DNAI4: variants seen among roughly 807,000 people sequenced by gnomAD.
The protein encoded by DNAI4 is WD repeat domain 78.
In DNAI4, 85 loss-of-function variants were observed where a neutral mutation model predicts 105.8. That is an observed-to-expected ratio of 0.80 (90% confidence interval 0.67 to 0.96). DNAI4 has a LOEUF of 0.96. DNAI4 is among the 40% of genes least tolerant of loss of function. The pLI is 0.00. For synonymous variants in DNAI4, 352 were observed against 331.5 expected, an observed-to-expected ratio of 1.06 and a Z score of -0.67; for missense variants, 1,014 against 1,005.6, an observed-to-expected ratio of 1.01 and a Z score of -0.11.
chr1:66,914,987 A>C (rs1356181850), intron 1 of DNAI4, among the ~76,000 whole-genome samples: 1 of 152,224 alleles, frequency 6.6e-6, no homozygotes, highest in Non-Finnish European at 1.5e-5. Context: ...AAATGTCCTA[A>C]GAATTGCCAG....
Position 66,902,544 on chromosome 1 carries a change from A to G in DNAI4, c.345+2657T>C, listed in dbSNP as rs191771622. Among the ~76,000 whole-genome samples the G allele has an allele frequency of 3.8e-3, 572 of 152,266 alleles. 3 individuals are homozygous for G. The highest frequency in any genetic ancestry group is 0.013 in the African/African-American group (526 of 41,548). ...TCTGTTAATGTCTTTTGATAGACAGAAATTTCTAATTTTAATGTAGTCCAA... is the reference window on the plus strand; with the variant it reads ...TCTGTTAATGTCTTTTGATAGACAGGAATTTCTAATTTTAATGTAGTCCAA... On this transcript the variant is annotated intron_variant, in intron 2 of 16. Coordinates refer to ENST00000371026, the MANE Select transcript of DNAI4 (RefSeq NM_024763.5).
intron 1 of DNAI4, among the ~76,000 whole-genome samples, chr1:66,915,384 G>A (rs1569892272): frequency 6.6e-6 from 1 of 152,178 alleles, no homozygotes; most frequent in Non-Finnish European, 1.5e-5. Flanking sequence ...AAGCAAGATG[G>A]AGTCAGTTAG....
Position 66,813,246 on chromosome 1 carries a change from T to C in DNAI4, c.*884A>G, listed in dbSNP as rs1417503239. The C allele has an allele frequency of 4.6e-5, 7 of 152,468 alleles. No individual in the cohort carries two copies. The East Asian group carries it at 1.1e-3, about 25-fold the overall frequency. 9.4% of individuals were successfully genotyped at this position (152,468 alleles called of 1,614,324 possible). A position where few individuals can be genotyped will look rare whatever the true frequency, so the allele number is the denominator to read the frequency against. On this transcript the variant is annotated 3_prime_UTR_variant, in exon 17 of 17. Transcript: ENST00000371026. ...ATGCTTTATAGAACAGCCCATCATG[T>C]CCTGTGGCCTCAGTTTAACCCAGGA...
intron 1 of DNAI4, among the ~76,000 whole-genome samples, chr1:66,917,309 G>A (rs1650140241): frequency 6.6e-6 from 1 of 152,130 alleles, no homozygotes; most frequent in South Asian, 2.1e-4. Context: ...TTGTGTCTTT[G>A]ATTATGGCTG....
chr1:66,816,301 G>A (rs1003806078), intron 16 of DNAI4, among the ~76,000 whole-genome samples: 11 of 151,952 alleles, frequency 7.2e-5, no homozygotes, highest in Admixed American at 7.2e-4. Flanking sequence ...TCACGTCCCG[G>A]GGGCAGCCTT....
At chr1:66,921,042 C>T (rs1650443915) in intron 1 of DNAI4, among the ~76,000 whole-genome samples, 1 of 152,144 alleles carries the variant, frequency 6.6e-6, no homozygotes. Flanking sequence ...AGTATCAGAA[C>T]CACACTTGGA....
intron 15 of DNAI4, among the ~76,000 whole-genome samples, chr1:66,825,343 C>A (rs139966011): frequency 0.059 from 8,980 of 151,206 alleles, 337 homozygotes; most frequent in South Asian, 0.097. Context: ...CCGCGCCCGG[C>A]TAATTTTTTT....
chr1:66,849,052 A>G (rs1311993343), intron 7 of DNAI4, among the ~76,000 whole-genome samples: 1 of 152,102 alleles, frequency 6.6e-6, no homozygotes, highest in Non-Finnish European at 1.5e-5. Context: ...TCCCCTTCCT[A>G]CAGTGTCAGT....
rs112133781 is a variant in DNAI4 at position 66,908,807 on chromosome 1, C to T, written c.171-3432G>A. On this transcript the variant is annotated intron_variant, in intron 1 of 16. Transcript: ENST00000371026. ...TTTTCTTGGTCCATTTTTTACTACA[C>T]TCTTTAAGGCTATCTTATACCTTCT... Among the ~76,000 whole-genome samples the T allele has an allele frequency of 6.0e-3, 920 of 152,278 alleles. 6 individuals are homozygous for T. The highest frequency in any genetic ancestry group is 0.021 in the African/African-American group (860 of 41,572).
intron 1 of DNAI4, chr1:66,919,035 C>T (rs1371671612): frequency 4.8e-6 from 2 of 413,636 alleles, no homozygotes; most frequent in Non-Finnish European, 9.8e-6. Context: ...CTGGAAGCCC[C>T]CTCCCTGCTT....
In DNAI4 at chr1:66,886,939, C is replaced by G. The variant is rs577817070; in HGVS notation, c.643+4215G>C. On this transcript the variant is annotated intron_variant, in intron 4 of 16. Coordinates refer to ENST00000371026, the MANE Select transcript of DNAI4 (RefSeq NM_024763.5). ...AAATTACCCTCTGGCAAATTTCCCCCACCCCCCATCCCCAGACTAAGTCTT... is the reference window on the plus strand; with the variant it reads ...AAATTACCCTCTGGCAAATTTCCCCGACCCCCCATCCCCAGACTAAGTCTT... 5.3e-5 allele frequency among the ~76,000 whole-genome samples: 8 copies of G among 152,112 alleles called. No individual in the cohort carries two copies. In the East Asian group the frequency reaches 1.5e-3, roughly 29 times the overall value.
At chr1:66,820,973 T>C (rs1262375690) in intron 16 of DNAI4, among the ~76,000 whole-genome samples, 2 of 152,068 alleles carry the variant, frequency 1.3e-5, no homozygotes, top group Non-Finnish European at 2.9e-5. Flanking sequence ...TCTTTTCTTA[T>C]CATCTCATGA....
At chr1:66,895,797 G>T (rs1277877752) in intron 2 of DNAI4, among the ~76,000 whole-genome samples, 1 of 152,122 alleles carries the variant, frequency 6.6e-6, no homozygotes, top group African/African-American at 2.4e-5. Flanking sequence ...ATATTGAAAT[G>T]ATCATATGCT....
At chr1:66,815,773 A>G (rs2100283079) in intron 16 of DNAI4, among the ~76,000 whole-genome samples, 1 of 152,328 alleles carries the variant, frequency 6.6e-6, no homozygotes, top group East Asian at 1.9e-4. Context: ...CTCCCCAGTC[A>G]TGAATGTTAA....
intron 1 of DNAI4, among the ~76,000 whole-genome samples, chr1:66,907,614 T>C (rs1649359218): frequency 6.6e-6 from 1 of 152,220 alleles, no homozygotes; most frequent in South Asian, 2.1e-4. Flanking sequence ...TTATGGCATT[T>C]ACCTTTCTCT....
rs114709424 is a variant in DNAI4, at chr1:66,859,151, A to C, written c.1096+2996T>G. 9.6e-3 allele frequency among the ~76,000 whole-genome samples: 1,463 copies of C among 152,298 alleles called. 11 individuals are homozygous for C. The highest frequency in any genetic ancestry group is 0.033 in the African/African-American group (1,383 of 41,562). The stretch of plus-strand genomic sequence containing the variant: ...AACTCAATAAGAAAACAAACAGCCA[A>C]ATTTTTAAAAGGGCAAAACATCCAC... On this transcript the variant is annotated intron_variant, in intron 7 of 16. Coordinates refer to ENST00000371026, the MANE Select transcript of DNAI4 (RefSeq NM_024763.5).
intron 7 of DNAI4, 126 bp from the exon 8 acceptor site, chr1:66,847,804 G>C (rs1282261740): frequency 4.1e-6 from 3 of 729,306 alleles, no homozygotes; most frequent in African/African-American, 3.6e-5. Flanking sequence ...AACTTTAATA[G>C]ACATTTATTG....
At position 66,890,880 on chromosome 1, in the gene DNAI4, AAGAAGC is replaced by A; in HGVS notation, c.643+268_643+273del. 2.1e-6 allele frequency: 1 copy of A among 474,852 alleles called. No individual in the cohort carries two copies. The highest frequency in any genetic ancestry group is 2.2e-5 in the South Asian group (1 of 45,546). The allele number at this position is 474,852 out of a possible 1,614,324, so 29.4% of individuals were successfully genotyped here. ...GAAGAGGAAGAGGAAGAAGAAGAAGAAGAAGCAGAAGCAGCAGCAGCAACAGCAGCA... is the reference window on the plus strand; with the variant it reads ...GAAGAGGAAGAGGAAGAAGAAGAAGAAGAAGCAGCAGCAGCAACAGCAGCA... On this transcript the variant is annotated intron_variant, in intron 4 of 16. Transcript: ENST00000371026. This position sits in a 1 kb window ranked among gnomAD's most constrained non-coding sequence, Gnocchi z 4.1.
intron 16 of DNAI4, among the ~76,000 whole-genome samples, chr1:66,814,513 CA>C (rs1235882926): frequency 6.6e-6 from 1 of 152,028 alleles, no homozygotes; most frequent in Non-Finnish European, 1.5e-5. Context: ...GGACTACAGG[CA>C]CGTGCCACCA....
Sources: allele counts gnomAD v4.1 joint callset (sites outside exome capture counted in the v4.1 genomes callset), GRCh38; gene constraint gnomAD v4.1.1; non-coding constraint Gnocchi (gnomAD v3.1); transcripts MANE v1.5; gene names NCBI Gene and HGNC (gene_info 2026-07-23, HGNC 2026-07-21).